Variants in FRMPD4 observed in about 807,000 individuals in gnomAD.
FRMPD4 encodes the protein FERM and PDZ domain containing 4.
FRMPD4 carries 22 observed loss-of-function variants against 94.1 expected under a neutral mutation model. The ratio of observed to expected loss-of-function variants is 0.23; its 90% CI spans 0.17 to 0.33. The LOEUF is 0.33. Among genes scored for constraint, FRMPD4 ranks in the 10% least tolerant of loss-of-function variants. The probability of loss-of-function intolerance (pLI) is 1.00; values close to 1 mark genes in which losing one functional copy is unlikely to be tolerated. For synonymous variants in FRMPD4, 631 were observed against 548.6 expected (o/e 1.15, Z -2.10); for missense variants, 1,111 against 1,339.9 (o/e 0.83, Z 2.67).
rs1465424116 is a variant in FRMPD4 at position 12,718,232 on chromosome X, G to A, written c.3406G>A (p.Gly1136Arg). The A allele has an allele frequency of 1.7e-6, 2 of 1,209,886 alleles. No homozygotes were observed. Among genetic ancestry groups the A allele is most frequent in the Admixed American group, 4.4e-5 (2 of 45,893 alleles). ...AGGGAAGGAAGAAGGAGCTCCTGAT[G>A]GAGAAACCAGTGATGGCTCAGGACT... ...AEGKEEGAPDGETSDGSGLGQ... is the reference protein window; with the variant it reads ...AEGKEEGAPDRETSDGSGLGQ... Residue 1136 changes from glycine (G) to arginine (R), a missense_variant, in exon 16 of 17, where the codon GGA (glycine) becomes AGA (arginine). This residue lies in a region of FRMPD4 where 551 missense variants were observed against 591.6 expected (regional missense o/e 0.93). Coordinates refer to ENST00000675598, the MANE Select transcript of FRMPD4 (RefSeq NM_001368397.1).
At chrX:12,510,244 G>T (rs1173135161) in intron 2 of FRMPD4, among the ~76,000 whole-genome samples, 1 of 112,401 alleles carries the variant, frequency 8.9e-6, no homozygotes, top group Non-Finnish European at 1.9e-5. Context: ...TGCTATACTG[G>T]TTGGAATTTT....
chrX:12,334,732 C>T (rs1178045597), intron 1 of FRMPD4, among the ~76,000 whole-genome samples: 1 of 111,205 alleles, frequency 9.0e-6, no homozygotes, highest in African/African-American at 3.3e-5. Context: ...TATTGTGCAC[C>T]TGTTATGTGC....
intron 2 of FRMPD4, among the ~76,000 whole-genome samples, chrX:12,577,522 G>A (rs1569346145): frequency 9.0e-6 from 1 of 110,730 alleles, no homozygotes; most frequent in African/African-American, 3.3e-5. Flanking sequence ...CCTGAAGCCA[G>A]CAAGCTTGGC....
At chrX:12,307,383 T>C (rs936176381) in intron 1 of FRMPD4, among the ~76,000 whole-genome samples, 1 of 112,635 alleles carries the variant, frequency 8.9e-6, no homozygotes. Context: ...AATACATTGT[T>C]GCATAGCATT....
intron 3 of FRMPD4, among the ~76,000 whole-genome samples, chrX:12,067,991 A>G (rs889923954): frequency 9.8e-5 from 11 of 111,843 alleles, no homozygotes; most frequent in Non-Finnish European, 1.9e-4. Context: ...TTCCTGGATC[A>G]TCTGGATGGA....
chrX:11,953,625 C>T lies in FRMPD4; in HGVS notation c.95+75607C>T, dbSNP rs189833180. 1.4e-4 allele frequency among the ~76,000 whole-genome samples: 16 copies of T among 111,297 alleles called. No individual in the cohort carries two copies. In the East Asian group the frequency reaches 3.7e-3, roughly 25 times the overall value. On this transcript the variant is annotated intron_variant, in intron 3 of 18. Coordinates refer to the FRMPD4 transcript ENST00000640291. ...GTCCCACCAGAAGATCTGCAAGCAC[C>T]GCAAAGGTCAGATAGAAAGGAATTT...
chrX:12,685,797 G>A (rs978695413), intron 6 of FRMPD4, among the ~76,000 whole-genome samples: 1 of 111,944 alleles, frequency 8.9e-6, no homozygotes, highest in African/African-American at 3.3e-5. Context: ...CCCTGCTTAG[G>A]TCTGGGCTTG....
At chrX:11,848,054 TA>T (rs1359604921) in intron 1 of FRMPD4, among the ~76,000 whole-genome samples, 77 of 108,924 alleles carry the variant, frequency 7.1e-4, no homozygotes, top group African/African-American at 2.5e-3. Context: ...AAATAAAAAA[TA>T]AATAAAAAAA....
chrX:12,389,473 CA>C (rs56111163), intron 1 of FRMPD4, among the ~76,000 whole-genome samples: 12 of 92,123 alleles, frequency 1.3e-4, no homozygotes, highest in East Asian at 7.3e-4. Flanking sequence ...AGATCCATCT[CA>C]AAAAAAAAAA....
chrX:11,999,531 A>C (rs1438639515), intron 3 of FRMPD4, among the ~76,000 whole-genome samples: 6 of 112,397 alleles, frequency 5.3e-5, no homozygotes, highest in Non-Finnish European at 1.1e-4. Context: ...TAAGATAAAC[A>C]ACATTGGGTG....
intron 1 of FRMPD4, among the ~76,000 whole-genome samples, chrX:12,276,913 A>C (rs2054446291): frequency 9.1e-6 from 1 of 110,236 alleles, no homozygotes; most frequent in African/African-American, 3.3e-5. Flanking sequence ...CGAGGTCAGG[A>C]GATCGAGACC....
At chrX:12,600,321 A>T (rs1049039862) in intron 2 of FRMPD4, among the ~76,000 whole-genome samples, 2 of 111,812 alleles carry the variant, frequency 1.8e-5, no homozygotes, top group Admixed American at 1.9e-4. Flanking sequence ...CAAATGGAAG[A>T]TATTGCCTTT....
At chrX:12,369,225 T>TTAAAA (rs2056128502) in intron 1 of FRMPD4, among the ~76,000 whole-genome samples, 1 of 110,211 alleles carries the variant, frequency 9.1e-6, no homozygotes, top group Non-Finnish European at 1.9e-5. Context: ...TTTTTTAAAA[T>TTAAAA]TAAAATAAAC....
Position 12,022,280 on chromosome X carries a change from C to A in FRMPD4, c.95+144262C>A, listed in dbSNP as rs758824195. 4.8e-4 allele frequency among the ~76,000 whole-genome samples: 54 copies of A among 112,519 alleles called. 1 individual carries two copies. The South Asian group carries it at 0.019, about 40-fold the overall frequency. On this transcript the variant is annotated intron_variant, in intron 3 of 18. Coordinates refer to the FRMPD4 transcript ENST00000640291. ...AGTATTTCAACTAAAAGGCCATCTG[C>A]ATTTGTGAGAACTGCTGACAGCATG... is the stretch of plus-strand genomic sequence containing the variant.
chrX:12,539,677 A>C lies in FRMPD4; in HGVS notation c.158+40881A>C, dbSNP rs1164922596. 6.4e-5 allele frequency among the ~76,000 whole-genome samples: 7 copies of C among 109,267 alleles called. No individual in the cohort carries two copies. In the Admixed American group the frequency reaches 6.8e-4, roughly 11 times the overall value. The allele number at this position is 109,267 out of a possible 115,157, so 94.9% of individuals were successfully genotyped here. A position where few individuals can be genotyped will look rare whatever the true frequency, so the allele number is the denominator to read the frequency against. ...AGACGGAGTTTCACTCTTGTTGCCC[A>C]GGCTGGAGTGCAATGGCACGATCTC... On this transcript the variant is annotated intron_variant, in intron 2 of 16. Coordinates refer to ENST00000675598, the MANE Select transcript of FRMPD4 (RefSeq NM_001368397.1).
chrX:12,185,531 C>T (rs774284492), intron 1 of FRMPD4, among the ~76,000 whole-genome samples: 1 of 111,377 alleles, frequency 9.0e-6, no homozygotes, highest in South Asian at 3.8e-4. Flanking sequence ...CTAACTCTTC[C>T]AAGGGTCCCT....
intron 1 of FRMPD4, among the ~76,000 whole-genome samples, chrX:12,405,592 G>A (rs1041339591): frequency 1.8e-5 from 2 of 111,154 alleles, no homozygotes; most frequent in Non-Finnish European, 3.8e-5. Context: ...CCAAATTTCT[G>A]CCAAGTTCTG....
At chrX:12,511,387 CTAAA>C (rs1234352595) in intron 2 of FRMPD4, among the ~76,000 whole-genome samples, 3 of 111,785 alleles carry the variant, frequency 2.7e-5, no homozygotes, top group African/African-American at 9.8e-5. Context: ...AGATAAACAA[CTAAA>C]TAAATTCAGG....
chrX:12,614,555 G>A (rs772188852), intron 3 of FRMPD4, among the ~76,000 whole-genome samples: 4 of 111,824 alleles, frequency 3.6e-5, no homozygotes, highest in African/African-American at 1.3e-4. Context: ...TGCTTGCAAA[G>A]TTTTAGAAAA....
Sources: gnomAD v4.1 joint callset for allele counts (sites outside exome capture counted in the v4.1 genomes callset) on GRCh38, gnomAD v4.1.1 for gene constraint, gnomAD v4.1.1 regional missense constraint, MANE v1.5 for transcripts, NCBI Gene and HGNC (gene_info 2026-07-23, HGNC 2026-07-21) for gene names.